Variants in MAST4 observed in about 807,000 individuals in gnomAD.
MAST4 encodes microtubule associated serine/threonine kinase family member 4.
MAST4 carries 89 observed loss-of-function variants against 162.7 expected under a neutral mutation model. The ratio of observed to expected loss-of-function variants is 0.55; its 90% CI spans 0.46 to 0.65. MAST4 has a LOEUF of 0.65. Among genes scored for constraint, MAST4 ranks in the 30% least tolerant of loss-of-function variants. The pLI is 0.00. For missense variants in MAST4, 3,153 were observed against 3,374.0 expected (o/e 0.93, Z 1.62); for synonymous variants, 1,479 against 1,361.1 (o/e 1.09, Z -1.91).
intron 3 of MAST4, among the ~76,000 whole-genome samples, chr5:66,822,063 T>G (rs1580536842): frequency 6.6e-6 from 1 of 152,152 alleles, no homozygotes; most frequent in African/African-American, 2.4e-5. Context: ...CCATAATATT[T>G]TCATTTTACA....
intron 13 of MAST4, 119 bp downstream of exon 13, chr5:67,118,868 A>G (rs1767243043): frequency 1.6e-6 from 1 of 643,172 alleles, no homozygotes; most frequent in South Asian, 2.0e-5. Context: ...GAATATATGA[A>G]TAAGAATATG....
chr5:67,076,058 C>T (rs1581454540), intron 5 of MAST4, among the ~76,000 whole-genome samples: 1 of 152,006 alleles, frequency 6.6e-6, no homozygotes, highest in South Asian at 2.1e-4. Context: ...ACCTTGATTG[C>T]CCAGTGGCCT....
intron 2 of MAST4, 78 bp from the exon 3 acceptor site, chr5:66,788,592 C>A (rs1453635897): frequency 4.5e-6 from 3 of 662,142 alleles, no homozygotes; most frequent in Non-Finnish European, 2.5e-6. Flanking sequence ...GGAAGAGACA[C>A]CCCACCCCCA....
At chr5:66,986,160 G>A (rs182951738) in intron 4 of MAST4, among the ~76,000 whole-genome samples, 17 of 152,284 alleles carry the variant, frequency 1.1e-4, no homozygotes, top group Admixed American at 2.6e-4. Flanking sequence ...TTGTCTATGA[G>A]GAAGAGAGGA....
chr5:67,044,698 G>A (rs993276983), intron 4 of MAST4, among the ~76,000 whole-genome samples: 1 of 152,156 alleles, frequency 6.6e-6, no homozygotes, highest in Non-Finnish European at 1.5e-5. Flanking sequence ...ATATTTTATA[G>A]AGTGGGGTTT....
chr5:66,615,356 G>T (rs1285193322), intron 1 of MAST4, among the ~76,000 whole-genome samples: 1 of 152,136 alleles, frequency 6.6e-6, no homozygotes, highest in Non-Finnish European at 1.5e-5. Context: ...AGGTTCAGGT[G>T]CCATGCAAGT....
intron 1 of MAST4, among the ~76,000 whole-genome samples, chr5:66,661,323 G>A (rs766804068): frequency 5.9e-5 from 9 of 152,090 alleles, no homozygotes; most frequent in Non-Finnish European, 1.2e-4. Flanking sequence ...TCCAATTCTA[G>A]TAATTGCATC....
rs144055002 is a variant in MAST4, at chr5:66,944,041, G to C, written c.674+44059G>C. ...TTCTTTGCTCTATTGATTTGTTAGA[G>C]TTGACGTGTAAAATTCCTAGTTTTA... On this transcript the variant is annotated intron_variant, in intron 4 of 28. Transcript: ENST00000403625. Among the ~76,000 whole-genome samples the C allele has an allele frequency of 1.2e-4, 19 of 152,180 alleles. No homozygotes were observed. The East Asian group carries it at 3.7e-3, about 29-fold the overall frequency.
At chr5:66,984,876 CG>C (rs1399192101) in intron 4 of MAST4, among the ~76,000 whole-genome samples, 2 of 151,822 alleles carry the variant, frequency 1.3e-5, no homozygotes, top group Non-Finnish European at 2.9e-5. Flanking sequence ...CTTGAGAGGG[CG>C]GGGAGCAGGA....
In MAST4 at chr5:66,955,568, A is replaced by G. The variant is rs114703651; in HGVS notation, c.674+55586A>G. ...AGTATAATGAACCCCTTATTTGCCT[A>G]TTACCCAAGTTTAATAAATAGTAAC... On this transcript the variant is annotated intron_variant, in intron 4 of 28. Coordinates refer to ENST00000403625, the MANE Select transcript of MAST4 (RefSeq NM_001164664.2). 8.3e-3 allele frequency among the ~76,000 whole-genome samples: 1,260 copies of G among 152,256 alleles called. 20 individuals are homozygous for G. The highest frequency in any genetic ancestry group is 0.029 in the African/African-American group (1,206 of 41,540).
chr5:66,925,828 A>G (rs1764852313), intron 4 of MAST4, among the ~76,000 whole-genome samples: 1 of 152,182 alleles, frequency 6.6e-6, no homozygotes, highest in African/African-American at 2.4e-5. Context: ...TAATTGATCA[A>G]GTAATTATTG....
chr5:66,883,931 G>T (rs1459658082), intron 3 of MAST4, among the ~76,000 whole-genome samples: 1 of 152,094 alleles, frequency 6.6e-6, no homozygotes. Flanking sequence ...CTGCAATCTT[G>T]CAAGTGTACA....
intron 3 of MAST4, among the ~76,000 whole-genome samples, chr5:66,869,677 C>T (rs1021582512): frequency 2.0e-4 from 30 of 152,120 alleles, no homozygotes; most frequent in African/African-American, 6.7e-4. Flanking sequence ...TATTCCTAGA[C>T]GAAGAAGAAA....
chr5:67,078,688 A>G (rs894665729), intron 5 of MAST4, among the ~76,000 whole-genome samples: 14 of 132,858 alleles, frequency 1.1e-4, no homozygotes, highest in Admixed American at 1.6e-4. Flanking sequence ...ATTTATTTAT[A>G]TTTATATATT....
At chr5:66,869,278 C>G (rs1426441718) in intron 3 of MAST4, among the ~76,000 whole-genome samples, 1 of 152,130 alleles carries the variant, frequency 6.6e-6, no homozygotes, top group Non-Finnish European at 1.5e-5. Flanking sequence ...AATAAATAAT[C>G]CATGATGCTG....
intron 4 of MAST4, among the ~76,000 whole-genome samples, chr5:66,956,451 AATTTTGAT>A (rs1165025674): frequency 6.6e-6 from 1 of 152,134 alleles, no homozygotes; most frequent in Non-Finnish European, 1.5e-5. Flanking sequence ...GAGTCTACAA[AATTTTGAT>A]ATTTTACGAC....
intron 6 of MAST4, among the ~76,000 whole-genome samples, chr5:67,093,236 TTAATG>T (rs1385655769): frequency 6.6e-6 from 1 of 152,204 alleles, no homozygotes; most frequent in African/African-American, 2.4e-5. Context: ...ACTTTTTCAT[TTAATG>T]TAACACCAAG....
At chr5:66,647,820 C>G (rs1233920488) in intron 1 of MAST4, among the ~76,000 whole-genome samples, 4 of 152,070 alleles carry the variant, frequency 2.6e-5, no homozygotes, top group Non-Finnish European at 4.4e-5. Flanking sequence ...ACTTTTCATG[C>G]CTCTACTCTT....
intron 4 of MAST4, among the ~76,000 whole-genome samples, chr5:66,948,264 G>A (rs1435164118): frequency 6.6e-6 from 1 of 152,130 alleles, no homozygotes; most frequent in Non-Finnish European, 1.5e-5. Context: ...GACCAAAGTT[G>A]GAGTGTGAGG....
Sources: gnomAD v4.1 joint callset for allele counts (sites outside exome capture counted in the v4.1 genomes callset) on GRCh38, gnomAD v4.1.1 for gene constraint, MANE v1.5 for transcripts, NCBI Gene and HGNC (gene_info 2026-07-23, HGNC 2026-07-21) for gene names.